KLHL4: variants seen among roughly 807,000 people sequenced by gnomAD.
KLHL4 encodes kelch like family member 4, also known as kelch-like protein 4.
In KLHL4, 17 loss-of-function variants were observed where a neutral mutation model predicts 45.8. The observed-to-expected ratio is 0.37, with a 90% CI of 0.25 to 0.56. The LOEUF (loss-of-function observed/expected upper bound fraction) is 0.56. KLHL4 is among the 20% of genes least tolerant of loss of function. The pLI is 0.79. For missense variants in KLHL4, 544 were observed against 544.9 expected, an observed-to-expected ratio of 1.00 and a Z score of 0.02; for synonymous variants, 224 against 189.9, an observed-to-expected ratio of 1.18 and a Z score of -1.47.
At chrX:87,638,898 A>G (rs1271762749) in intron 9 of KLHL4, among the ~76,000 whole-genome samples, 3 of 111,746 alleles carry the variant, frequency 2.7e-5, no homozygotes. Context: ...AAGATGTAGA[A>G]TGGCAAAATT....
At chrX:87,606,290 T>C (rs909715323) in intron 1 of KLHL4, among the ~76,000 whole-genome samples, 19 of 111,343 alleles carry the variant, frequency 1.7e-4, no homozygotes, top group African/African-American at 5.9e-4. Flanking sequence ...TTGAGGATGA[T>C]TGGTATTAGT....
chrX:87,540,144 G>A (rs932386480), intron 1 of KLHL4, among the ~76,000 whole-genome samples: 1 of 111,365 alleles, frequency 9.0e-6, no homozygotes, highest in East Asian at 2.8e-4. Context: ...GAAGCTTGCA[G>A]GACCTGAAGT....
intron 4 of KLHL4, among the ~76,000 whole-genome samples, chrX:87,620,855 A>T (rs768232027): frequency 5.3e-5 from 6 of 112,432 alleles, no homozygotes; most frequent in Admixed American, 3.8e-4. Context: ...CTTGTGAAAG[A>T]AATCAGTAAA....
At position 87,559,034 on chromosome X, in the gene KLHL4, G is replaced by A. The variant is rs182405285; in HGVS notation, c.422+40719G>A. ...GTAAACATCTCTAAAGGGACAAAGAGTATATATTTCAGGATTTACAAGCGA... is the reference window on the plus strand; with the variant it reads ...GTAAACATCTCTAAAGGGACAAAGAATATATATTTCAGGATTTACAAGCGA... On this transcript the variant is annotated intron_variant, in intron 1 of 10. Coordinates refer to ENST00000373119, the MANE Select transcript of KLHL4 (RefSeq NM_019117.5). 7.4e-3 allele frequency among the ~76,000 whole-genome samples: 829 copies of A among 111,831 alleles called. 6 individuals carry two copies. Among genetic ancestry groups the A allele is most frequent in the African/African-American group, 0.026 (788 of 30,804 alleles).
At chrX:87,615,724 C>T (rs1351711464) in intron 3 of KLHL4, among the ~76,000 whole-genome samples, 2 of 110,759 alleles carry the variant, frequency 1.8e-5, no homozygotes, top group Non-Finnish European at 3.8e-5. Flanking sequence ...AAGCCTGTCA[C>T]AAAAGATCGC....
rs1470038447 is a variant in KLHL4, at chrX:87,666,928, C to T, written c.*394C>T. On this transcript the variant is annotated 3_prime_UTR_variant, in exon 11 of 11. Coordinates refer to ENST00000373119, the MANE Select transcript of KLHL4 (RefSeq NM_019117.5). ...ACATTTTCAGTTTTTTTTTAAAAAA[C>T]GTACTCTTATTATCTGGAACATAGA... is the stretch of plus-strand genomic sequence containing the variant. 1.7e-5 allele frequency: 12 copies of T among 691,325 alleles called. No individual in the cohort carries two copies. In the Admixed American group the frequency reaches 8.9e-4, roughly 52 times the overall value. The allele number at this position is 691,325 out of a possible 1,213,427, so 57.0% of individuals were successfully genotyped here. A position where few individuals can be genotyped will look rare whatever the true frequency, so the allele number is the denominator to read the frequency against.
At position 87,580,464 on chromosome X, in the gene KLHL4, C is replaced by G. The variant is rs959464689; in HGVS notation, c.423-33413C>G. ...AACGCAAGATCCAACTTTATGCTGC[C>G]TAGAAGAGATACACTTTGGATTCAA... On this transcript the variant is annotated intron_variant, in intron 1 of 10. Transcript: ENST00000373119. Among the ~76,000 whole-genome samples the G allele has an allele frequency of 5.4e-5, 6 of 110,718 alleles. No individual in the cohort carries two copies. The East Asian group carries it at 1.7e-3, about 31-fold the overall frequency.
At chrX:87,547,810 G>A (rs779155755) in intron 1 of KLHL4, among the ~76,000 whole-genome samples, 15 of 110,897 alleles carry the variant, frequency 1.4e-4, no homozygotes, top group Non-Finnish European at 2.5e-4. Context: ...GACAGAGCAA[G>A]ACTCCATCTA....
chrX:87,609,408 C>T (rs1313277381), intron 1 of KLHL4, among the ~76,000 whole-genome samples: 2 of 111,645 alleles, frequency 1.8e-5, no homozygotes, highest in African/African-American at 3.3e-5. Context: ...TCTCCACATC[C>T]TCTCCAGCAC....
chrX:87,587,235 A>C (rs1921509965), intron 1 of KLHL4, among the ~76,000 whole-genome samples: 1 of 108,923 alleles, frequency 9.2e-6, no homozygotes, highest in Non-Finnish European at 1.9e-5. Context: ...TAACAATCTC[A>C]CTCAAGCTAT....
intron 9 of KLHL4, among the ~76,000 whole-genome samples, chrX:87,659,575 GTTTC>G (rs988198809): frequency 3.6e-5 from 3 of 82,724 alleles, no homozygotes; most frequent in African/African-American, 7.4e-5. Flanking sequence ...AAATTTTTAC[GTTTC>G]TTTATTATAT....
intron 1 of KLHL4, among the ~76,000 whole-genome samples, chrX:87,559,015 A>G (rs1024793682): frequency 4.5e-5 from 5 of 111,932 alleles, no homozygotes; most frequent in Non-Finnish European, 7.5e-5. Flanking sequence ...GTAGGTAAAC[A>G]TCTCTAAAGG....
At chrX:87,663,070 T>C (rs752078428) in intron 9 of KLHL4, among the ~76,000 whole-genome samples, 3 of 108,681 alleles carry the variant, frequency 2.8e-5, no homozygotes, top group Admixed American at 9.8e-5. Context: ...CAATTACTTA[T>C]GATAATAATT....
At chrX:87,627,704 G>GT (rs1340520087) in intron 6 of KLHL4, among the ~76,000 whole-genome samples, 2 of 111,387 alleles carry the variant, frequency 1.8e-5, no homozygotes, top group Non-Finnish European at 3.8e-5. Flanking sequence ...ATATTAGAAG[G>GT]TTTTTTGTTT....
At chrX:87,639,984 G>C (rs1923399885) in intron 9 of KLHL4, among the ~76,000 whole-genome samples, 2 of 110,634 alleles carry the variant, frequency 1.8e-5, no homozygotes, top group Middle Eastern at 4.7e-3. Flanking sequence ...ATTCAAATAA[G>C]CCCAATTAGA....
chrX:87,642,990 G>A (rs2147831259), intron 9 of KLHL4, among the ~76,000 whole-genome samples: 1 of 111,533 alleles, frequency 9.0e-6, no homozygotes, highest in Admixed American at 9.5e-5. Flanking sequence ...GAATAATTGA[G>A]GAAAGCTTCC....
chrX:87,581,314 C>T (rs1022029748), intron 1 of KLHL4, among the ~76,000 whole-genome samples: 34 of 112,491 alleles, frequency 3.0e-4, no homozygotes, highest in African/African-American at 1.1e-3. Flanking sequence ...AGAGGCCAAA[C>T]CAATTGGGGG....
At chrX:87,541,760 C>T (rs751767156) in intron 1 of KLHL4, among the ~76,000 whole-genome samples, 2 of 111,108 alleles carry the variant, frequency 1.8e-5, no homozygotes, top group South Asian at 7.6e-4. Flanking sequence ...ATAAAGATAA[C>T]CTGAAAATGT....
chrX:87,603,323 T>A (rs766307153), intron 1 of KLHL4, among the ~76,000 whole-genome samples: 6 of 111,284 alleles, frequency 5.4e-5, no homozygotes, highest in African/African-American at 2.0e-4. Context: ...AAATTAAGGG[T>A]CTGAAACCCA....
Sources: allele counts gnomAD v4.1 joint callset (sites outside exome capture counted in the v4.1 genomes callset), GRCh38; gene constraint gnomAD v4.1.1; transcripts MANE v1.5; gene names NCBI Gene and HGNC (gene_info 2026-07-23, HGNC 2026-07-21).